ESRP2: variants seen among roughly 807,000 people sequenced by gnomAD.
ESRP2 encodes epithelial splicing regulatory protein 2.
In ESRP2, 48 loss-of-function variants were observed where a neutral mutation model predicts 78.6. The ratio of observed to expected loss-of-function variants is 0.61; its 90% CI spans 0.48 to 0.78. The LOEUF (loss-of-function observed/expected upper bound fraction) is 0.78. Ranked by LOEUF, ESRP2 falls within the 30% of genes least tolerant of loss-of-function variation. The pLI, the probability that ESRP2 is intolerant of heterozygous loss-of-function variation, is 0.00. For synonymous variants in ESRP2, 383 were observed against 406.7 expected, an observed-to-expected ratio of 0.94 and a Z score of 0.70; for missense variants, 863 against 965.9, an observed-to-expected ratio of 0.89 and a Z score of 1.41.
intron 2 of ESRP2, chr16:68,234,419 A>C: frequency 3.5e-6 from 1 of 283,458 alleles, no homozygotes; most frequent in Non-Finnish European, 6.6e-6. Flanking sequence ...TGGGACAAGC[A>C]GGTGGGAAGG....
chr16:68,233,771 G>C lies in ESRP2; in HGVS notation c.553C>G (p.Gln185Glu). The C allele has an allele frequency of 6.2e-7, 1 of 1,611,662 alleles. No homozygotes were observed. The highest frequency in any genetic ancestry group is 8.5e-7 in the Non-Finnish European group (1 of 1,178,022). ...AACCCTGCTGGGTCACAGATACCCT[G>C]TGCCATGGTGGCCACAGTGAGGTCC... Reference protein sequence around the residue: ...ARDLTVATMAQGLGLETDATE... With the variant: ...ARDLTVATMAEGLGLETDATE... The change falls in exon 4 of 15, where the codon CAG (glutamine) becomes GAG (glutamate). Residue 185 changes from glutamine to glutamate, a missense_variant. By Grantham distance (29) the Gln-to-Glu change is conservative (BLOSUM62 2). Transcript: ENST00000473183.
In ESRP2 at chr16:68,231,490, T is replaced by G. The variant is rs775083128; in HGVS notation, c.1504A>C (p.Asn502His). The change falls in exon 11 of 15, where the codon AAC becomes CAC. Residue 502 changes from asparagine to histidine, a missense_variant. Physicochemically the swap from Asn to His is moderately conservative, Grantham distance 68 (BLOSUM62 1). Transcript: ENST00000473183. The surrounding 1 kb of genome is among the most constrained non-coding windows in gnomAD (Gnocchi z 6.0). ...CCAAGCAGTGGCTTCACCTGCTGGT[T>G]GAGCACCATGTGTACACCGTGGGGC... ...IRPHGVHMVL[N>H]QQGRPSGDAF... The G allele has an allele frequency of 6.2e-7, 1 of 1,613,938 alleles. No homozygotes were observed. Among genetic ancestry groups the G allele is most frequent in the East Asian group, 2.2e-5 (1 of 44,884 alleles).
At chr16:68,234,198 GC>G in intron 2 of ESRP2, 91 bp from the exon 3 acceptor site, 8 of 992,488 alleles carry the variant, frequency 8.1e-6, no homozygotes, top group Non-Finnish European at 1.2e-5. Flanking sequence ...AGGCTGCAAA[GC>G]TGGTTCAGCC....
rs755718291 is a variant in ESRP2 at position 68,231,041 on chromosome 16, T to A, written c.1712-14A>T. The A allele has an allele frequency of 2.6e-5, 42 of 1,588,202 alleles. No individual in the cohort carries two copies. The Admixed American group carries it at 7.3e-4, about 27-fold the overall frequency. On this transcript the variant is annotated splice_polypyrimidine_tract_variant and intron_variant, in intron 12 of 14. Coordinates refer to ENST00000473183, the MANE Select transcript of ESRP2 (RefSeq NM_024939.3). The surrounding 1 kb of genome is among the most constrained non-coding windows in gnomAD (Gnocchi z 6.0). ...GTGGTGAGAGGCCTAGAGACGGAAGTAGAAAGTGCATGTGCACGGAGCCCA... is the reference window on the plus strand; with the variant it reads ...GTGGTGAGAGGCCTAGAGACGGAAGAAGAAAGTGCATGTGCACGGAGCCCA...
In ESRP2 at chr16:68,232,927, A is replaced by C; in HGVS notation, c.656-112T>G. ...GATGAAGAAATGACAGGCCGAGCAC[A>C]GTGGCTCACGCCTATAATCCCAGCA... is the stretch of plus-strand genomic sequence containing the variant. On this transcript the variant is annotated intron_variant, in intron 5 of 14. Coordinates refer to ENST00000473183, the MANE Select transcript of ESRP2 (RefSeq NM_024939.3). The surrounding 1 kb of genome is among the most constrained non-coding windows in gnomAD (Gnocchi z 5.2). 1 of 1,464,640 alleles carries C rather than the reference A, an allele frequency of 6.8e-7. No homozygotes were observed. The highest frequency in any genetic ancestry group is 9.4e-7 in the Non-Finnish European group (1 of 1,062,228). The allele number at this position is 1,464,640 out of a possible 1,614,324, so 90.7% of individuals were successfully genotyped here. A position where few individuals can be genotyped will look rare whatever the true frequency, so the allele number is the denominator to read the frequency against.
rs762335410 is a variant in ESRP2 at position 68,232,541 on chromosome 16, C to G, written c.821+36G>C. On this transcript the variant is annotated intron_variant, in intron 7 of 14. Coordinates refer to ENST00000473183, the MANE Select transcript of ESRP2 (RefSeq NM_024939.3). This position sits in a 1 kb window ranked among gnomAD's most constrained non-coding sequence, Gnocchi z 5.2. Reference sequence around the variant, plus strand: ...TGCTGTTAGTGCCTCCTGGGTAGGCCTGTCCAATTGGGCCCACCCACCCTG... The same window carrying G: ...TGCTGTTAGTGCCTCCTGGGTAGGCGTGTCCAATTGGGCCCACCCACCCTG... The G allele has an allele frequency of 2.0e-5, 33 of 1,614,134 alleles. No individual in the cohort carries two copies. The South Asian group carries it at 2.3e-4, about 11-fold the overall frequency.
In ESRP2 at chr16:68,235,060, C is replaced by T; in HGVS notation, c.327+574G>A. 1.1e-6 allele frequency: 1 copy of T among 932,752 alleles called. No individual in the cohort carries two copies. Among genetic ancestry groups the T allele is most frequent in the Non-Finnish European group, 1.3e-6 (1 of 781,778 alleles). The allele number at this position is 932,752 out of a possible 1,614,324, so 57.8% of individuals were successfully genotyped here. On this transcript the variant is annotated intron_variant, in intron 2 of 14. Coordinates refer to ENST00000473183, the MANE Select transcript of ESRP2 (RefSeq NM_024939.3). This position sits in a 1 kb window ranked among gnomAD's most constrained non-coding sequence, Gnocchi z 5.5. Reference sequence around the variant, plus strand: ...CTCCCACTTCAGCTAGGGCAGGAGGCACCCCAGGCCTTTGCACTCAGCAGG... The same window carrying T: ...CTCCCACTTCAGCTAGGGCAGGAGGTACCCCAGGCCTTTGCACTCAGCAGG...
rs146446419 is a variant in ESRP2, at chr16:68,232,928, G to C, written c.656-113C>G. ...ATGAAGAAATGACAGGCCGAGCACA[G>C]TGGCTCACGCCTATAATCCCAGCAC... On this transcript the variant is annotated intron_variant, in intron 5 of 14. Transcript: ENST00000473183. The surrounding 1 kb of genome is among the most constrained non-coding windows in gnomAD (Gnocchi z 5.2). The C allele has an allele frequency of 2.0e-4, 298 of 1,457,186 alleles. No individual in the cohort carries two copies. The East Asian group carries it at 6.4e-3, about 32-fold the overall frequency. 90.3% of individuals were successfully genotyped at this position (1,457,186 alleles called of 1,614,324 possible). A position where few individuals can be genotyped will look rare whatever the true frequency, so the allele number is the denominator to read the frequency against.
At chr16:68,233,167 C>G in intron 5 of ESRP2, 160 bp downstream of exon 5, 1 of 614,146 alleles carries the variant, frequency 1.6e-6, no homozygotes, top group Non-Finnish European at 2.8e-6. Flanking sequence ...CCACTGCACT[C>G]TAGCCTAGGC....
At chr16:68,233,922 C>T (rs1283123322) in intron 3 of ESRP2, 40 bp from the exon 4 acceptor site, 1 of 1,605,002 alleles carries the variant, frequency 6.2e-7, no homozygotes, top group Middle Eastern at 1.7e-4. Flanking sequence ...CCCTGCCCAC[C>T]CTCAGGACAA....
At chr16:68,233,210 AAAAAG>A (rs1046752729) in intron 5 of ESRP2, 112 bp downstream of exon 5, 28 of 737,792 alleles carry the variant, frequency 3.8e-5, no homozygotes, top group African/African-American at 5.3e-5. Flanking sequence ...AAAAAAAAAA[AAAAAG>A]AAATGACAAA....
chr16:68,235,627 C>A lies in ESRP2; in HGVS notation c.327+7G>T. The A allele has an allele frequency of 6.3e-7, 1 of 1,596,940 alleles. No homozygotes were observed. The highest frequency in any genetic ancestry group is 8.5e-7 in the Non-Finnish European group (1 of 1,179,086). ...CAGGCCATGCCGCCACCCACCCCGG[C>A]GCTCACCTGCTGCAGCACCTTGTCC... is the stretch of plus-strand genomic sequence containing the variant. On this transcript the variant is annotated splice_region_variant and intron_variant, in intron 2 of 14. Transcript: ENST00000473183. The surrounding 1 kb of genome is among the most constrained non-coding windows in gnomAD (Gnocchi z 5.5).
Position 68,234,100 on chromosome 16 carries a change from T to A in ESRP2, c.335A>T (p.Gln112Leu). The change falls in exon 3 of 15, where the codon CAG (glutamine) becomes CTG (leucine). Residue 112 changes from glutamine to leucine, a missense_variant. Coordinates refer to ENST00000473183, the MANE Select transcript of ESRP2 (RefSeq NM_024939.3). ...PLDKVLQQFSQLVNGDVALLG... is the reference protein window; with the variant it reads ...PLDKVLQQFSLLVNGDVALLG... Reference sequence around the variant, plus strand: ...CAAAGCCACATCCCCGTTCACCAGCTGTGAGAACTGGGGATAGGGAATGGG... The same window carrying A: ...CAAAGCCACATCCCCGTTCACCAGCAGTGAGAACTGGGGATAGGGAATGGG... 6.2e-7 allele frequency: 1 copy of A among 1,609,996 alleles called. No homozygotes were observed. The highest frequency in any genetic ancestry group is 8.5e-7 in the Non-Finnish European group (1 of 1,177,956).
In ESRP2 at chr16:68,232,921, G is replaced by A. The variant is rs909209633; in HGVS notation, c.656-106C>T. 4 of 1,492,926 alleles carry A rather than the reference G, an allele frequency of 2.7e-6. No individual in the cohort carries two copies. Among genetic ancestry groups the A allele is most frequent in the Admixed American group, 3.5e-5 (2 of 57,200 alleles). The allele number at this position is 1,492,926 out of a possible 1,614,324, so 92.5% of individuals were successfully genotyped here. On this transcript the variant is annotated intron_variant, in intron 5 of 14. Transcript: ENST00000473183. The surrounding 1 kb of genome is among the most constrained non-coding windows in gnomAD (Gnocchi z 5.2). ...GAGAGAGATGAAGAAATGACAGGCC[G>A]AGCACAGTGGCTCACGCCTATAATC...
rs1485018469 is a variant in ESRP2 at position 68,232,236 on chromosome 16, G to A, written c.997+10C>T. 9 of 1,614,138 alleles carry A rather than the reference G, an allele frequency of 5.6e-6. No individual in the cohort carries two copies. In the African/African-American group the frequency reaches 1.2e-4, roughly 22 times the overall value. On this transcript the variant is annotated intron_variant, in intron 9 of 14. Transcript: ENST00000473183. The surrounding 1 kb of genome is among the most constrained non-coding windows in gnomAD (Gnocchi z 5.2). ...CCAGGGGAGCCAGGCCCTGTTTGCA[G>A]TATACTCACCCCCTGCAATCTTTAC...
Position 68,231,397 on chromosome 16 carries a change from G to C in ESRP2, c.1513-21C>G. 1 of 1,614,040 alleles carries C rather than the reference G, an allele frequency of 6.2e-7. No homozygotes were observed. Among genetic ancestry groups the C allele is most frequent in the Non-Finnish European group, 8.5e-7 (1 of 1,179,970 alleles). On this transcript the variant is annotated intron_variant, in intron 11 of 14. Coordinates refer to ENST00000473183, the MANE Select transcript of ESRP2 (RefSeq NM_024939.3). This position sits in a 1 kb window ranked among gnomAD's most constrained non-coding sequence, Gnocchi z 6.0. ...CGGCCCTGTGCACACCATCTTGTGA[G>C]CAGTTTGTCATGTGTAAGAGTGCCT...
In ESRP2 at chr16:68,235,964, C is replaced by T. The variant is rs750680674; in HGVS notation, c.82G>A (p.Gly28Arg). The T allele has an allele frequency of 5.6e-6, 9 of 1,608,930 alleles. No individual in the cohort carries two copies. The highest frequency in any genetic ancestry group is 1.3e-5 in the African/African-American group (1 of 74,820). Residue 28 changes from glycine (G) to arginine (R), a missense_variant, in exon 1 of 15, where the codon GGA (glycine) becomes AGA (arginine). Coordinates refer to ENST00000473183, the MANE Select transcript of ESRP2 (RefSeq NM_024939.3). This position sits in a 1 kb window ranked among gnomAD's most constrained non-coding sequence, Gnocchi z 5.5. ...DPAADPCPWP[G>R]SLVVLFGATA... is the part of the protein sequence containing the mutation. The stretch of plus-strand genomic sequence containing the variant: ...GCCCCGAAGAGGACGACCAGTGATC[C>T]GGGCCAGGGGCAGGGGTCCGCGGCG...
rs115422522 is a variant in ESRP2 at position 68,234,198 on chromosome 16, G to C, written c.328-91C>G. On this transcript the variant is annotated intron_variant, in intron 2 of 14. Transcript: ENST00000473183. Reference sequence around the variant, plus strand: ...TAGGAGGAAGGAGGCAGGCTGCAAAGCTGGTTCAGCCAGATGTTCAGCCCT... The same window carrying C: ...TAGGAGGAAGGAGGCAGGCTGCAAACCTGGTTCAGCCAGATGTTCAGCCCT... The C allele has an allele frequency of 1.4e-5, 14 of 992,370 alleles. No individual in the cohort carries two copies. The Admixed American group carries it at 1.7e-4, about 12-fold the overall frequency. 61.5% of individuals were successfully genotyped at this position (992,370 alleles called of 1,614,324 possible).
rs2042113339 is a variant in ESRP2, at chr16:68,230,510, G to C, written c.1943C>G (p.Thr648Ser). ...PTTVGYLTTP[T>S]AALASAPTSV... ...GGTGGGAGCAGAGGCCAGGGCAGCA[G>C]TGGGTGTAGTGAGGTAGCCCACAGT... Residue 648 changes from threonine to serine, a missense_variant, in exon 14 of 15, where the codon ACT (threonine) becomes AGT (serine). Coordinates refer to ENST00000473183, the MANE Select transcript of ESRP2 (RefSeq NM_024939.3). 3 of 1,603,620 alleles carry C rather than the reference G, an allele frequency of 1.9e-6. No homozygotes were observed. The highest frequency in any genetic ancestry group is 1.3e-5 in the African/African-American group (1 of 74,912).
Sources: gnomAD v4.1 joint callset for allele counts on GRCh38, gnomAD v4.1.1 for gene constraint, Gnocchi (gnomAD v3.1) non-coding constraint, MANE v1.5 for transcripts, NCBI Gene and HGNC (gene_info 2026-07-23, HGNC 2026-07-21) for gene names.